The following CSMD1 variants were observed in gnomAD, a reference collection of about 807,000 sequenced individuals.
The protein encoded by CSMD1 is CUB and sushi domain-containing protein 1.
A neutral mutation model predicts 417.5 loss-of-function variants in CSMD1; 213 were observed. The observed-to-expected ratio is 0.51, with a 90% CI of 0.46 to 0.57. The LOEUF is 0.57. CSMD1 is among the 20% of genes least tolerant of loss of function. CSMD1 has a pLI of 0.00. For synonymous variants in CSMD1, 2,862 were observed against 1,736.8 expected (o/e 1.65, Z -16.11); for missense variants, 6,923 against 4,529.7 (o/e 1.53, Z -15.17).
At chr8:3,249,145 G>T (rs769043703) in intron 26 of CSMD1, among the ~76,000 whole-genome samples, 6 of 152,096 alleles carry the variant, frequency 3.9e-5, no homozygotes, top group Non-Finnish European at 8.8e-5. Context: ...GTATTAAATA[G>T]TAACTATTAT....
Position 3,708,253 on chromosome 8 carries a change from G to C in CSMD1, c.1009+161C>G, listed in dbSNP as rs78723218. Among the ~76,000 whole-genome samples the C allele has an allele frequency of 4.9e-3, 740 of 152,308 alleles. 10 individuals carry two copies. Among genetic ancestry groups the C allele is most frequent in the African/African-American group, 0.017 (704 of 41,578 alleles). On this transcript the variant is annotated intron_variant, in intron 7 of 69. Coordinates refer to ENST00000635120, the MANE Select transcript of CSMD1 (RefSeq NM_033225.6). ...CGACATTCCTCCGTAACAAAGTGAA[G>C]TTAGTGCATGTTCTTTCTCCCAGAA...
At chr8:4,526,043 T>C (rs1036145779) in intron 2 of CSMD1, among the ~76,000 whole-genome samples, 1 of 152,160 alleles carries the variant, frequency 6.6e-6, no homozygotes, top group Non-Finnish European at 1.5e-5. Flanking sequence ...GGGTGATGAA[T>C]TATCTTTACT....
intron 3 of CSMD1, among the ~76,000 whole-genome samples, chr8:4,119,894 C>G (rs563639072): frequency 1.7e-4 from 26 of 152,150 alleles, no homozygotes; most frequent in Middle Eastern, 3.4e-3. Context: ...GGACAGTTGC[C>G]GGAGTCTGGT....
intron 23 of CSMD1, among the ~76,000 whole-genome samples, chr8:3,330,793 T>A (rs1224503890): frequency 6.6e-6 from 1 of 152,182 alleles, no homozygotes; most frequent in Non-Finnish European, 1.5e-5. Context: ...ATACTTTATT[T>A]TGAATTTTGT....
At chr8:3,977,189 T>A (rs1027874340) in intron 5 of CSMD1, among the ~76,000 whole-genome samples, 1 of 152,194 alleles carries the variant, frequency 6.6e-6, no homozygotes, top group Admixed American at 6.5e-5. Context: ...TCCATTTCCC[T>A]GGGATCACAA....
chr8:4,772,200 C>T (rs995765592), intron 1 of CSMD1, among the ~76,000 whole-genome samples: 2 of 152,152 alleles, frequency 1.3e-5, no homozygotes, highest in African/African-American at 4.8e-5. Flanking sequence ...GTCCACGCAT[C>T]ATTCTCTGCT....
intron 3 of CSMD1, among the ~76,000 whole-genome samples, chr8:4,327,420 C>G (rs62480593): frequency 0.041 from 6,275 of 152,236 alleles, 185 homozygotes; most frequent in Non-Finnish European, 0.065. Flanking sequence ...TTGCAGAACA[C>G]TGGCACAATC....
At chr8:4,708,520 C>T (rs953563803) in intron 1 of CSMD1, among the ~76,000 whole-genome samples, 5 of 152,244 alleles carry the variant, frequency 3.3e-5, no homozygotes, top group Non-Finnish European at 5.9e-5. Context: ...TAGTAATTCT[C>T]TTAAAAATGA....
chr8:4,869,600 T>C (rs895473787), intron 1 of CSMD1, among the ~76,000 whole-genome samples: 3 of 152,212 alleles, frequency 2.0e-5, no homozygotes, highest in South Asian at 2.1e-4. Flanking sequence ...GTTTAGTTAA[T>C]GATCACATTC....
In CSMD1 at chr8:4,145,425, G is replaced by C. The variant is rs1005611541; in HGVS notation, c.416-113326C>G. Among the ~76,000 whole-genome samples the C allele has an allele frequency of 1.9e-4, 29 of 151,160 alleles. 1 individual carries two copies. The highest frequency in any genetic ancestry group is 5.2e-4 in the African/African-American group (21 of 40,482). ...GCAATTGTGACTTAATCTGGGAAAAGTGACTTAATCTACAGGTTACTATAT... is the reference window on the plus strand; with the variant it reads ...GCAATTGTGACTTAATCTGGGAAAACTGACTTAATCTACAGGTTACTATAT... On this transcript the variant is annotated intron_variant, in intron 3 of 69. Transcript: ENST00000635120.
At chr8:3,525,074 A>G (rs562143161) in intron 10 of CSMD1, among the ~76,000 whole-genome samples, 2 of 152,190 alleles carry the variant, frequency 1.3e-5, no homozygotes, top group Non-Finnish European at 2.9e-5. Flanking sequence ...TGAAAAGCCA[A>G]CTAAAGTGAA....
chr8:4,456,655 C>T (rs1799506325), intron 2 of CSMD1, among the ~76,000 whole-genome samples: 1 of 152,088 alleles, frequency 6.6e-6, no homozygotes, highest in African/African-American at 2.4e-5. Context: ...CAGAGAGACC[C>T]TCCAACCAAT....
intron 2 of CSMD1, among the ~76,000 whole-genome samples, chr8:4,455,387 A>G (rs1179185667): frequency 1.3e-5 from 2 of 152,184 alleles, no homozygotes; most frequent in Admixed American, 1.3e-4. Context: ...TCAACTCAGT[A>G]CATTTTATAC....
rs573448489 is a variant in CSMD1 at position 3,949,182 on chromosome 8, C to T, written c.818+48721G>A. ...GCTAATTAACATATGCATTGCTTTA[C>T]ATCCTTATCATTTCTTTATAGTGAC... On this transcript the variant is annotated intron_variant, in intron 5 of 69. Transcript: ENST00000635120. 6.6e-4 allele frequency among the ~76,000 whole-genome samples: 101 copies of T among 152,324 alleles called. 1 individual carries two copies. In the Middle Eastern group the frequency reaches 0.014, roughly 21 times the overall value.
chr8:3,455,696 G>A (rs2084317), intron 12 of CSMD1, among the ~76,000 whole-genome samples: 2,566 of 152,274 alleles, frequency 0.017, 84 homozygotes, highest in African/African-American at 0.059. Flanking sequence ...GGAGTACCTG[G>A]CCATCTGAGG....
intron 3 of CSMD1, among the ~76,000 whole-genome samples, chr8:4,235,668 C>G (rs1377951005): frequency 6.6e-6 from 1 of 152,164 alleles, no homozygotes; most frequent in Non-Finnish European, 1.5e-5. Context: ...TAAAATGGGT[C>G]AGCCTGTTGC....
chr8:3,837,477 G>A (rs921541380), intron 5 of CSMD1, among the ~76,000 whole-genome samples: 9 of 152,104 alleles, frequency 5.9e-5, no homozygotes, highest in Admixed American at 3.3e-4. Context: ...GGGACCTAAT[G>A]CTGAACAGCA....
chr8:4,746,609 A>G (rs1810970579), intron 1 of CSMD1, among the ~76,000 whole-genome samples: 1 of 152,194 alleles, frequency 6.6e-6, no homozygotes, highest in South Asian at 2.1e-4. Flanking sequence ...CATTTTGTCC[A>G]CCACAGCTGG....
At chr8:4,818,357 A>C (rs903872623) in intron 1 of CSMD1, among the ~76,000 whole-genome samples, 1 of 152,202 alleles carries the variant, frequency 6.6e-6, no homozygotes, top group Admixed American at 6.5e-5. Context: ...CCACAGTTTA[A>C]TGTTCCTTCA....
Sources: allele counts gnomAD v4.1 joint callset (sites outside exome capture counted in the v4.1 genomes callset), GRCh38; gene constraint gnomAD v4.1.1; transcripts MANE v1.5; gene names NCBI Gene and HGNC (gene_info 2026-07-23, HGNC 2026-07-21).